The following PSMA1 variants were observed in gnomAD, a reference collection of about 807,000 sequenced individuals.
PSMA1 encodes proteasome 20S subunit alpha 1, also known as proteasome subunit alpha type-1.
PSMA1 carries 3 observed loss-of-function variants against 38.4 expected under a neutral mutation model. That is an observed-to-expected ratio of 0.08 (90% CI 0.04 to 0.20). PSMA1 has a LOEUF of 0.20. PSMA1 is among the 10% of genes least tolerant of loss of function. The pLI is 1.00. For missense variants in PSMA1, 227 were observed against 325.3 expected (o/e 0.70, Z 2.32); for synonymous variants, 101 against 107.1 (o/e 0.94, Z 0.35).
chr11:14,566,223 C>T (rs1483551382), intron 2 of PSMA1, among the ~76,000 whole-genome samples: 1 of 152,190 alleles, frequency 6.6e-6, no homozygotes, highest in Admixed American at 6.5e-5. Flanking sequence ...AAAATAATCA[C>T]TCTAGCTGCT....
chr11:14,630,308 A>G (rs1410706425), intron 1 of PSMA1, among the ~76,000 whole-genome samples: 12 of 152,282 alleles, frequency 7.9e-5, no homozygotes, highest in African/African-American at 9.6e-5. Flanking sequence ...GGTTTCTCAT[A>G]GATAGCTCTT....
intron 2 of PSMA1, among the ~76,000 whole-genome samples, chr11:14,535,197 G>A (rs1479491938): frequency 6.6e-6 from 1 of 150,404 alleles, no homozygotes; most frequent in Non-Finnish European, 1.5e-5. Context: ...ACTTGGAATA[G>A]AGCAATCTGG....
At chr11:14,529,436 T>C (rs1235691327) in intron 2 of PSMA1, among the ~76,000 whole-genome samples, 3 of 152,184 alleles carry the variant, frequency 2.0e-5, no homozygotes, top group East Asian at 3.8e-4. Flanking sequence ...AAAAAATGTT[T>C]GACTTCCCTT....
At chr11:14,508,564 A>AAAAAAAAAAAAAAAAAAAAAC (rs1554966542) in intron 8 of PSMA1, among the ~76,000 whole-genome samples, 2 of 147,992 alleles carry the variant, frequency 1.4e-5, no homozygotes, top group Non-Finnish European at 3.0e-5. Flanking sequence ...TCCATCTCAA[A>AAAAAAAAAAAAAAAAAAAAAC]AAAAAAAAAA....
chr11:14,623,426 G>C (rs1343127196), intron 1 of PSMA1, among the ~76,000 whole-genome samples: 1 of 152,188 alleles, frequency 6.6e-6, no homozygotes, highest in Non-Finnish European at 1.5e-5. Context: ...AGTGCACCTA[G>C]TCATTGACTT....
At chr11:14,535,099 C>CA (rs1565038953) in intron 2 of PSMA1, among the ~76,000 whole-genome samples, 2 of 150,384 alleles carry the variant, frequency 1.3e-5, no homozygotes, top group Non-Finnish European at 1.5e-5. Context: ...AAAAAACAAA[C>CA]AAAAAAACCC....
intron 2 of PSMA1, among the ~76,000 whole-genome samples, chr11:14,559,954 T>C (rs1341968421): frequency 6.6e-6 from 1 of 152,156 alleles, no homozygotes; most frequent in East Asian, 1.9e-4. Context: ...CAAAGGTCTC[T>C]TGGCCAATCC....
At chr11:14,518,475 G>A (rs1256961664) in intron 2 of PSMA1, among the ~76,000 whole-genome samples, 1 of 152,234 alleles carries the variant, frequency 6.6e-6, no homozygotes. Context: ...CACATATATA[G>A]TAGGGTCACT....
At chr11:14,530,700 G>A (rs906863476) in intron 2 of PSMA1, among the ~76,000 whole-genome samples, 3 of 151,970 alleles carry the variant, frequency 2.0e-5, no homozygotes, top group Admixed American at 1.3e-4. Flanking sequence ...TCAGGAGTTC[G>A]AGACCAGCCT....
chr11:14,596,368 A>G (rs998674176), intron 2 of PSMA1, among the ~76,000 whole-genome samples: 4 of 152,218 alleles, frequency 2.6e-5, no homozygotes, highest in East Asian at 1.9e-4. Context: ...GAGTCTTCCT[A>G]TCCATGAACA....
intron 2 of PSMA1, among the ~76,000 whole-genome samples, chr11:14,549,261 G>A (rs1851860794): frequency 6.6e-6 from 1 of 152,078 alleles, no homozygotes; most frequent in Admixed American, 6.5e-5. Context: ...CTCAATATTT[G>A]TTATTGTTTC....
rs114965786 is a variant in PSMA1 at position 14,587,330 on chromosome 11, C to T, written c.21+23636G>A. Among the ~76,000 whole-genome samples the T allele has an allele frequency of 5.9e-3, 900 of 152,234 alleles. 6 individuals are homozygous for T. Among genetic ancestry groups the T allele is most frequent in the African/African-American group, 0.021 (860 of 41,552 alleles). On this transcript the variant is annotated intron_variant, in intron 2 of 10. Transcript: ENST00000418988. ...AATCTGGCGGTGTCCCTCTGGACAGCCTCTCCCTTCTTTCTCCCAGATCTA... is the reference window on the plus strand; with the variant it reads ...AATCTGGCGGTGTCCCTCTGGACAGTCTCTCCCTTCTTTCTCCCAGATCTA...
At chr11:14,556,172 A>C (rs1370997121) in intron 2 of PSMA1, among the ~76,000 whole-genome samples, 1 of 152,086 alleles carries the variant, frequency 6.6e-6, no homozygotes, top group East Asian at 1.9e-4. Flanking sequence ...GGTTTGGTGG[A>C]GCTTATCCTG....
At chr11:14,599,969 T>G (rs1216745015) in intron 2 of PSMA1, among the ~76,000 whole-genome samples, 1 of 152,242 alleles carries the variant, frequency 6.6e-6, no homozygotes, top group Non-Finnish European at 1.5e-5. Flanking sequence ...TTCCTTTCTG[T>G]TTGTTAGTTT....
chr11:14,538,865 C>T (rs1320626255), intron 2 of PSMA1, among the ~76,000 whole-genome samples: 2 of 152,144 alleles, frequency 1.3e-5, no homozygotes, highest in African/African-American at 2.4e-5. Flanking sequence ...TTGGGGTGTG[C>T]GTAATTTCAA....
upstream of PSMA1, among the ~76,000 whole-genome samples, chr11:14,524,741 C>A (rs1248150329): frequency 6.6e-6 from 1 of 152,150 alleles, no homozygotes; most frequent in East Asian, 1.9e-4. Context: ...GAGACCAGTC[C>A]GCTGTCCTCA....
intron 2 of PSMA1, among the ~76,000 whole-genome samples, chr11:14,536,889 A>G (rs1851715883): frequency 6.6e-6 from 1 of 152,256 alleles, no homozygotes. Context: ...TGCTGGGATT[A>G]CAGGCGTGAG....
intron 1 of PSMA1, chr11:14,519,989 G>A (rs1024786234): frequency 6.2e-6 from 3 of 482,932 alleles, no homozygotes; most frequent in South Asian, 2.9e-5. Context: ...AGCACTAGGA[G>A]CTATTCTGGA....
At chr11:14,606,856 T>C (rs1423922756) in intron 2 of PSMA1, among the ~76,000 whole-genome samples, 1 of 152,200 alleles carries the variant, frequency 6.6e-6, no homozygotes, top group African/African-American at 2.4e-5. Flanking sequence ...CAATATCACC[T>C]GATAAGCTGC....
Sources: gnomAD v4.1 joint callset for allele counts (sites outside exome capture counted in the v4.1 genomes callset) on GRCh38, gnomAD v4.1.1 for gene constraint, MANE v1.5 for transcripts, NCBI Gene and HGNC (gene_info 2026-07-23, HGNC 2026-07-21) for gene names.